LRRC4C: variants seen among roughly 807,000 people sequenced by gnomAD.
LRRC4C encodes leucine rich repeat containing 4C.
Under a neutral mutation model 33.6 loss-of-function variants are expected in LRRC4C, and 5 were observed. The ratio of observed to expected loss-of-function variants is 0.15; its 90% confidence interval spans 0.08 to 0.31. LRRC4C has a LOEUF of 0.31. Among genes scored for constraint, LRRC4C ranks in the 10% least tolerant of loss-of-function variants. The pLI, the probability that LRRC4C is intolerant of heterozygous loss-of-function variation, is 1.00. For missense variants in LRRC4C, 560 were observed against 796.7 expected (o/e 0.70, Z 3.58); for synonymous variants, 329 against 302.0 (o/e 1.09, Z -0.93).
At chr11:40,178,534 T>C (rs920288523) in intron 5 of LRRC4C, among the ~76,000 whole-genome samples, 1 of 152,232 alleles carries the variant, frequency 6.6e-6, no homozygotes, top group African/African-American at 2.4e-5. Flanking sequence ...ATTCTTAAAC[T>C]GCTTTATGGC....
chr11:40,147,678 C>T (rs79368059), intron 5 of LRRC4C, among the ~76,000 whole-genome samples: 4,070 of 151,782 alleles, frequency 0.027, 86 homozygotes, highest in Middle Eastern at 0.088. Flanking sequence ...ACATAATTGT[C>T]GAGATGAAAA....
intron 3 of LRRC4C, among the ~76,000 whole-genome samples, chr11:40,612,726 C>T (rs1021489507): frequency 6.6e-6 from 1 of 151,818 alleles, no homozygotes; most frequent in African/African-American, 2.4e-5. Context: ...CATCACTTGG[C>T]TGATGTTTTA....
At chr11:41,431,160 T>G (rs988588482) in intron 1 of LRRC4C, among the ~76,000 whole-genome samples, 1 of 152,158 alleles carries the variant, frequency 6.6e-6, no homozygotes, top group Non-Finnish European at 1.5e-5. Flanking sequence ...AAACACCATT[T>G]GCTTCATCCA....
intron 3 of LRRC4C, among the ~76,000 whole-genome samples, chr11:40,607,420 C>A (rs1329773712): frequency 1.3e-5 from 2 of 152,098 alleles, no homozygotes; most frequent in African/African-American, 4.8e-5. Context: ...AAACCTGTGA[C>A]CATAGTGGGC....
intron 2 of LRRC4C, among the ~76,000 whole-genome samples, chr11:40,774,371 G>C (rs960448682): frequency 6.6e-6 from 1 of 152,068 alleles, no homozygotes; most frequent in African/African-American, 2.4e-5. Context: ...ATATAAATAA[G>C]TATTATTTGG....
intron 1 of LRRC4C, among the ~76,000 whole-genome samples, chr11:41,050,933 C>T (rs1858159893): frequency 6.6e-6 from 1 of 152,122 alleles, no homozygotes; most frequent in South Asian, 2.1e-4. Flanking sequence ...TAATTTAAGG[C>T]TACATTTCCT....
intron 2 of LRRC4C, among the ~76,000 whole-genome samples, chr11:40,796,087 G>T (rs1314973797): frequency 6.6e-6 from 1 of 152,142 alleles, no homozygotes; most frequent in Non-Finnish European, 1.5e-5. Context: ...GAGAATATGG[G>T]TGCTTTGGTA....
chr11:41,001,674 C>A (rs1429262919), intron 1 of LRRC4C, among the ~76,000 whole-genome samples: 1 of 152,038 alleles, frequency 6.6e-6, no homozygotes, highest in Non-Finnish European at 1.5e-5. Flanking sequence ...CCTTAGTTGA[C>A]CCAAGATATT....
intron 2 of LRRC4C, among the ~76,000 whole-genome samples, chr11:40,919,937 C>A (rs1957108014): frequency 6.6e-6 from 1 of 151,980 alleles, no homozygotes; most frequent in Non-Finnish European, 1.5e-5. Flanking sequence ...AAAAACAGGG[C>A]CATATTACTA....
chr11:41,385,805 AG>A (rs1286979294), intron 1 of LRRC4C, among the ~76,000 whole-genome samples: 1 of 151,646 alleles, frequency 6.6e-6, no homozygotes, highest in African/African-American at 2.4e-5. Context: ...GTTACCCTGC[AG>A]GACAACAAAT....
At chr11:41,066,966 CA>C (rs1938291883) in intron 1 of LRRC4C, among the ~76,000 whole-genome samples, 1 of 152,072 alleles carries the variant, frequency 6.6e-6, no homozygotes, top group Admixed American at 6.6e-5. Context: ...AAAAACACAC[CA>C]AAATATGAAA....
At chr11:40,232,810 A>G (rs115089723) in intron 5 of LRRC4C, among the ~76,000 whole-genome samples, 89 of 152,298 alleles carry the variant, frequency 5.8e-4, no homozygotes, top group African/African-American at 2.1e-3. Context: ...CAGGATTCTC[A>G]CTAGTTTCAT....
At chr11:41,452,976 ATCTCTGTTCTAGATACTT>A (rs1956072521) in intron 1 of LRRC4C, among the ~76,000 whole-genome samples, 1 of 152,074 alleles carries the variant, frequency 6.6e-6, no homozygotes, top group East Asian at 1.9e-4. Context: ...TTAAATTCTA[ATCTCTGTTCTAGATACTT>A]TGTGGGCATT....
intron 3 of LRRC4C, among the ~76,000 whole-genome samples, chr11:40,568,920 G>T (rs1957868439): frequency 1.3e-5 from 2 of 152,142 alleles, no homozygotes; most frequent in South Asian, 2.1e-4. Flanking sequence ...TAAAGGTGGT[G>T]CATGATCATA....
At chr11:40,270,269 T>C (rs1001134310) in intron 4 of LRRC4C, among the ~76,000 whole-genome samples, 1 of 152,158 alleles carries the variant, frequency 6.6e-6, no homozygotes, top group Non-Finnish European at 1.5e-5. Flanking sequence ...TCTCACAGTT[T>C]CAGAGACTAG....
intron 5 of LRRC4C, among the ~76,000 whole-genome samples, chr11:40,231,434 A>G (rs1232544807): frequency 1.3e-5 from 2 of 150,442 alleles, no homozygotes; most frequent in Non-Finnish European, 3.0e-5. Context: ...GTATACACAT[A>G]TAAGTACATT....
chr11:41,052,055 T>C (rs1858268876), intron 1 of LRRC4C, among the ~76,000 whole-genome samples: 1 of 152,138 alleles, frequency 6.6e-6, no homozygotes, highest in African/African-American at 2.4e-5. Flanking sequence ...TTCTGCTCTG[T>C]ACTGGGCAAC....
intron 2 of LRRC4C, among the ~76,000 whole-genome samples, chr11:40,902,487 AC>A (rs2136199822): frequency 6.6e-6 from 1 of 152,236 alleles, no homozygotes; most frequent in African/African-American, 2.4e-5. Context: ...AGGAAGAGTC[AC>A]CCTACATTCA....
intron 4 of LRRC4C, among the ~76,000 whole-genome samples, chr11:40,312,093 C>T (rs1168280386): frequency 6.6e-6 from 1 of 152,058 alleles, no homozygotes; most frequent in Non-Finnish European, 1.5e-5. Flanking sequence ...GAAGGGAACT[C>T]AAGATGAACT....
Sources: allele counts gnomAD v4.1 joint callset (sites outside exome capture counted in the v4.1 genomes callset), GRCh38; gene constraint gnomAD v4.1.1; transcripts MANE v1.5; gene names NCBI Gene and HGNC (gene_info 2026-07-23, HGNC 2026-07-21).